Variants in AMMECR1 observed in about 807,000 individuals in gnomAD.
AMMECR1 encodes the protein nuclear protein AMMECR1.
A neutral mutation model predicts 22.5 loss-of-function variants in AMMECR1; 3 were observed. That is an observed-to-expected ratio of 0.13 (90% CI 0.06 to 0.35). The LOEUF is 0.35. Ranked by LOEUF, AMMECR1 falls within the 10% of genes least tolerant of loss-of-function variation. The pLI is 1.00. For synonymous variants in AMMECR1, 130 were observed against 116.7 expected (o/e 1.11, Z -0.74); for missense variants, 235 against 278.7 (o/e 0.84, Z 1.12).
chrX:110,291,612 C>T (rs904021345), intron 1 of AMMECR1, among the ~76,000 whole-genome samples: 1 of 111,564 alleles, frequency 9.0e-6, no homozygotes, highest in East Asian at 2.8e-4. Context: ...GGAGCACATG[C>T]TAAATCTGAA....
chrX:110,370,732 C>T (rs1271334399), intron 2 of AMMECR1, among the ~76,000 whole-genome samples: 1 of 112,432 alleles, frequency 8.9e-6, no homozygotes, highest in Non-Finnish European at 1.9e-5. Flanking sequence ...AGATGTGAGA[C>T]AACGGCAAGT....
At position 110,394,624 on chromosome X, in the gene AMMECR1, C is replaced by T. The variant is rs181260792; in HGVS notation, c.-148+32034G>A. Among the ~76,000 whole-genome samples, 159 of 112,720 alleles carry T rather than the reference C, an allele frequency of 1.4e-3. 1 individual carries two copies. Among genetic ancestry groups the T allele is most frequent in the Non-Finnish European group, 2.8e-4 (15 of 53,358 alleles). ...CCAGTTCCCAAGAACCTGTCAAGGA[C>T]GTTCAGTGAGGACTTACTGTACTCA... On this transcript the variant is annotated intron_variant, in intron 2 of 7. Coordinates refer to the AMMECR1 transcript ENST00000372057.
chrX:110,336,936 A>T (rs190739581), intron 2 of AMMECR1, among the ~76,000 whole-genome samples: 23 of 111,419 alleles, frequency 2.1e-4, no homozygotes, highest in Admixed American at 4.8e-4. Flanking sequence ...GATATGTCAA[A>T]AATCATGTAG....
At chrX:110,283,747 G>T (rs767660315) in intron 1 of AMMECR1, among the ~76,000 whole-genome samples, 35 of 112,315 alleles carry the variant, frequency 3.1e-4, no homozygotes, top group African/African-American at 1.1e-3. Flanking sequence ...CTGGTGGGAG[G>T]TCACAAATAT....
intron 2 of AMMECR1, among the ~76,000 whole-genome samples, chrX:110,388,089 G>A (rs1373645717): frequency 9.1e-6 from 1 of 110,320 alleles, no homozygotes; most frequent in Admixed American, 9.6e-5. Flanking sequence ...GGATGGTCTC[G>A]ATCTCCTGAC....
At chrX:110,365,852 G>A (rs928858685) in intron 2 of AMMECR1, among the ~76,000 whole-genome samples, 3 of 112,118 alleles carry the variant, frequency 2.7e-5, no homozygotes, top group Non-Finnish European at 5.6e-5. Flanking sequence ...CTGACACAAG[G>A]AAGTGGTTAG....
At chrX:110,420,626 AAATCCTTTGCAG>A (rs2068710359) in intron 2 of AMMECR1, among the ~76,000 whole-genome samples, 1 of 112,125 alleles carries the variant, frequency 8.9e-6, no homozygotes, top group Admixed American at 9.4e-5. Flanking sequence ...ATCCCATCTC[AAATCCTTTGCAG>A]AATGAGGCAG....
At chrX:110,384,756 C>T (rs535921333) in intron 2 of AMMECR1, among the ~76,000 whole-genome samples, 1 of 110,642 alleles carries the variant, frequency 9.0e-6, no homozygotes, top group Non-Finnish European at 1.9e-5. Flanking sequence ...AGGATTTGCC[C>T]GAACCCCCCA....
In AMMECR1 at chrX:110,216,482, C is replaced by T. The variant is rs1237249647; in HGVS notation, c.699+36G>A. ...TTTTTAACATCTCCTCAAGAGTTAC[C>T]TTCATTTTTCTTTAAAAATTTTTCT... On this transcript the variant is annotated intron_variant, in intron 3 of 5. Coordinates refer to ENST00000262844, the MANE Select transcript of AMMECR1 (RefSeq NM_015365.3). The T allele has an allele frequency of 3.8e-6, 4 of 1,041,259 alleles. No individual in the cohort carries two copies. In the Admixed American group the frequency reaches 6.9e-5, roughly 18 times the overall value. 85.8% of individuals were successfully genotyped at this position (1,041,259 alleles called of 1,213,427 possible). A position where few individuals can be genotyped will look rare whatever the true frequency, so the allele number is the denominator to read the frequency against.
At chrX:110,320,839 G>A (rs181885472), upstream of AMMECR1, among the ~76,000 whole-genome samples, 175 of 112,132 alleles carry the variant, frequency 1.6e-3, no homozygotes, top group African/African-American at 5.6e-3. Context: ...TTACCTGACC[G>A]CTAGGGGTTA....
At chrX:110,247,674 G>C (rs997822847) in intron 2 of AMMECR1, among the ~76,000 whole-genome samples, 1 of 109,450 alleles carries the variant, frequency 9.1e-6, no homozygotes, top group African/African-American at 3.3e-5. Context: ...CTAGGCAACA[G>C]GAGTGAAACC....
At chrX:110,247,910 T>C (rs2067667385) in intron 2 of AMMECR1, among the ~76,000 whole-genome samples, 1 of 112,243 alleles carries the variant, frequency 8.9e-6, no homozygotes, top group African/African-American at 3.2e-5. Context: ...TTTTAAATGG[T>C]TCAGGAGCAA....
chrX:110,229,094 T>C (rs2067548748), intron 2 of AMMECR1, among the ~76,000 whole-genome samples: 1 of 112,344 alleles, frequency 8.9e-6, no homozygotes, highest in South Asian at 3.7e-4. Context: ...TCAGGTCAAA[T>C]ATGTGATTCT....
At chrX:110,331,969 T>C (rs1291005060) in intron 2 of AMMECR1, among the ~76,000 whole-genome samples, 1 of 112,073 alleles carries the variant, frequency 8.9e-6, no homozygotes, top group Non-Finnish European at 1.9e-5. Context: ...TCTTTATTAA[T>C]AAACTTCAAT....
chrX:110,324,267 G>A (rs1162989977), intron 2 of AMMECR1, among the ~76,000 whole-genome samples: 1 of 111,391 alleles, frequency 9.0e-6, no homozygotes, highest in African/African-American at 3.3e-5. Flanking sequence ...AAAGTGCTGG[G>A]ATTACAGGCG....
intron 2 of AMMECR1, among the ~76,000 whole-genome samples, chrX:110,356,284 A>G (rs761120877): frequency 9.3e-6 from 1 of 107,497 alleles, no homozygotes; most frequent in Non-Finnish European, 1.9e-5. Flanking sequence ...TCCAGAGTAG[A>G]TGGGATTACA....
At chrX:110,221,339 C>T (rs1243530181) in intron 2 of AMMECR1, among the ~76,000 whole-genome samples, 1 of 111,776 alleles carries the variant, frequency 8.9e-6, no homozygotes, top group Non-Finnish European at 1.9e-5. Flanking sequence ...CCTAAACCCA[C>T]ATCTGAAAAA....
chrX:110,343,444 G>A (rs1267338200), intron 2 of AMMECR1, among the ~76,000 whole-genome samples: 1 of 111,378 alleles, frequency 9.0e-6, no homozygotes, highest in African/African-American at 3.3e-5. Context: ...AGACAGGGAT[G>A]CCCTCTCTCA....
At chrX:110,256,543 G>T (rs189508302) in intron 2 of AMMECR1, among the ~76,000 whole-genome samples, 2 of 111,597 alleles carry the variant, frequency 1.8e-5, no homozygotes, top group East Asian at 5.6e-4. Context: ...TTGAAAGTTT[G>T]CTCTTTATTT....
Sources: allele counts gnomAD v4.1 joint callset (sites outside exome capture counted in the v4.1 genomes callset), GRCh38; gene constraint gnomAD v4.1.1; transcripts MANE v1.5; gene names NCBI Gene and HGNC (gene_info 2026-07-23, HGNC 2026-07-21).